Variants in AKAP17A observed in about 807,000 individuals in gnomAD.
AKAP17A encodes the protein A-kinase anchor protein 17A.
Under a neutral mutation model 52.2 loss-of-function variants are expected in AKAP17A, and 15 were observed. The ratio of observed to expected loss-of-function variants is 0.29; its 90% CI spans 0.19 to 0.44. The LOEUF (loss-of-function observed/expected upper bound fraction) is 0.44, where lower values mean the gene tolerates loss of function less well. Ranked by LOEUF, AKAP17A falls within the 20% of genes least tolerant of loss-of-function variation. The pLI is 1.00. For missense variants in AKAP17A, 1,060 were observed against 1,007.0 expected, an observed-to-expected ratio of 1.05 and a Z score of -0.71; for synonymous variants, 514 against 424.7, an observed-to-expected ratio of 1.21 and a Z score of -2.58.
At chrX:1,597,578 A>G (rs1220617719) in intron 3 of AKAP17A, among the ~76,000 whole-genome samples, 1 of 151,292 alleles carries the variant, frequency 6.6e-6, no homozygotes, top group Admixed American at 6.6e-5. Flanking sequence ...TCCAGGCTGC[A>G]GACACAGCCC....
At position 1,602,101 on chromosome X, in the gene AKAP17A, G is replaced by A. The variant is rs1161753417; in HGVS notation, c.*507G>A. ...AGTTTGGGTGGGATGCCGAATCGTC[G>A]TGCTGACATTGAGTCACGGATGAGG... On this transcript the variant is annotated 3_prime_UTR_variant, in exon 5 of 5. Coordinates refer to ENST00000313871, the MANE Select transcript of AKAP17A (RefSeq NM_005088.3). 8.4e-5 allele frequency: 13 copies of A among 155,338 alleles called. No individual in the cohort carries two copies. The highest frequency in any genetic ancestry group is 2.2e-4 in the African/African-American group (9 of 41,578). The allele number at this position is 155,338 out of a possible 1,614,324, so 9.6% of individuals were successfully genotyped here.
chrX:1,600,714 A>C lies in AKAP17A; in HGVS notation c.1208A>C (p.Gln403Pro). ...QKEEKLRLQQQEERRRLQEAE... is the reference protein window; with the variant it reads ...QKEEKLRLQQPEERRRLQEAE... ...GAGGAGAAGCTGAGGCTCCAGCAGC[A>C]GGAGGAGCGGCGGCGGCTGCAGGAG... Residue 403 changes from glutamine (Q) to proline (P), a missense_variant, in exon 5 of 5, where the codon CAG becomes CCG. Gln to Pro is a moderately conservative substitution (Grantham distance 76, BLOSUM62 -1). This residue lies in a region of AKAP17A where 793 missense variants were observed against 629.9 expected (regional missense o/e 1.26). Transcript: ENST00000313871. 2 of 1,547,502 alleles carry C rather than the reference A, an allele frequency of 1.3e-6. No homozygotes were observed. Among genetic ancestry groups the C allele is most frequent in the Non-Finnish European group, 1.7e-6 (2 of 1,147,528 alleles).
In AKAP17A at chrX:1,601,369, G is replaced by A; in HGVS notation, c.1863G>A (p.Arg621=). 1 of 1,577,824 alleles carries A rather than the reference G, an allele frequency of 6.3e-7. No homozygotes were observed. Among genetic ancestry groups the A allele is most frequent in the Non-Finnish European group, 8.6e-7 (1 of 1,167,182 alleles). The change falls in exon 5 of 5, where the codon CGG becomes CGA. Residue 621 remains arginine (R), a synonymous_variant. Coordinates refer to ENST00000313871, the MANE Select transcript of AKAP17A (RefSeq NM_005088.3). ...SREDGRPRKE[R]RPHKKHAYKD... ...AGGACGGGAGGCCACGCAAGGAGCG[G>A]CGGCCCCACAAGAAGCACGCCTACA... is the stretch of plus-strand genomic sequence containing the variant.
chrX:1,601,472 C>A lies in AKAP17A; in HGVS notation c.1966C>A (p.Arg656=). 1 of 1,568,032 alleles carries A rather than the reference C, an allele frequency of 6.4e-7. No homozygotes were observed. Among genetic ancestry groups the A allele is most frequent in the South Asian group, 1.1e-5 (1 of 88,572 alleles). The change falls in exon 5 of 5, where the codon CGG becomes AGG. Residue 656 remains arginine (R), a synonymous_variant. Coordinates refer to ENST00000313871, the MANE Select transcript of AKAP17A (RefSeq NM_005088.3). The part of the protein sequence containing the change: ...SRRSHSKDRH[R]RERSRERRGS... ...GAGGTCCCACAGCAAAGACAGGCAC[C>A]GGAGGGAGCGGAGCCGGGAGCGGAG...
chrX:1,600,427 C>T (rs1395038496), intron 4 of AKAP17A: 23 of 634,592 alleles, frequency 3.6e-5, no homozygotes, highest in African/African-American at 2.4e-4. Context: ...AAGGGGTTTC[C>T]TTCTCACTCA....
rs773316404 is a variant in AKAP17A, at chrX:1,593,573, G to A, written c.111G>A (p.Pro37=). The A allele has an allele frequency of 3.4e-5, 55 of 1,613,672 alleles. No individual in the cohort carries two copies. Among genetic ancestry groups the A allele is most frequent in the East Asian group, 1.3e-4 (6 of 44,896 alleles). ...AGATGACCATCAGCGTGGCACTCCC[G>A]CAGCTGAAGCAGCCGGGGAAGTCCA... ...ITKMTISVAL[P]QLKQPGKSIS... The change falls in exon 2 of 5, where the codon CCG becomes CCA. Residue 37 remains proline (P), a synonymous_variant. Coordinates refer to ENST00000313871, the MANE Select transcript of AKAP17A (RefSeq NM_005088.3).
intron 3 of AKAP17A, among the ~76,000 whole-genome samples, chrX:1,598,289 G>A (rs1295721740): frequency 1.6e-4 from 24 of 151,718 alleles, no homozygotes; most frequent in Admixed American, 7.9e-4. Flanking sequence ...TCTGGGCGTC[G>A]GCACCTGGCC....
At chrX:1,599,556 G>C (rs1933235520) in intron 4 of AKAP17A, 124 bp downstream of exon 4, 6 of 1,345,574 alleles carry the variant, frequency 4.5e-6, no homozygotes, top group African/African-American at 1.4e-5. Flanking sequence ...TACGAAACCA[G>C]CTTTAATGCC....
intron 4 of AKAP17A, 117 bp downstream of exon 4, chrX:1,599,549 G>A (rs780584114): frequency 2.4e-4 from 340 of 1,411,624 alleles, no homozygotes; most frequent in African/African-American, 7.8e-4. Flanking sequence ...CTGTAGCTAC[G>A]AAACCAGCTT....
chrX:1,601,875 A>T lies in AKAP17A; in HGVS notation c.*281A>T. 1 of 377,160 alleles carries T rather than the reference A, an allele frequency of 2.7e-6. No individual in the cohort carries two copies. The highest frequency in any genetic ancestry group is 4.7e-6 in the Non-Finnish European group (1 of 212,706). The allele number at this position is 377,160 out of a possible 1,614,324, so 23.4% of individuals were successfully genotyped here. A position where few individuals can be genotyped will look rare whatever the true frequency, so the allele number is the denominator to read the frequency against. ...CGGCCGGTCCTCTCTCAGTCAGGAA[A>T]ATTGCACAGACCGACAGTCGTGAGG... On this transcript the variant is annotated 3_prime_UTR_variant, in exon 5 of 5. Transcript: ENST00000313871.
intron 3 of AKAP17A, among the ~76,000 whole-genome samples, chrX:1,596,848 T>C (rs184321167): frequency 0.018 from 160 of 8,884 alleles, 53 homozygotes; most frequent in African/African-American, 0.12. Flanking sequence ...CCATCCCTCC[T>C]GCCGTGTCCT....
rs1395208966 is a variant in AKAP17A at position 1,597,851 on chromosome X, G to A, written c.912-1341G>A. Among the ~76,000 whole-genome samples, 41 of 151,988 alleles carry A rather than the reference G, an allele frequency of 2.7e-4. 1 individual carries two copies. Among genetic ancestry groups the A allele is most frequent in the South Asian group, 2.1e-4 (1 of 4,808 alleles). On this transcript the variant is annotated intron_variant, in intron 3 of 4. Coordinates refer to ENST00000313871, the MANE Select transcript of AKAP17A (RefSeq NM_005088.3). The stretch of plus-strand genomic sequence containing the variant: ...AGCGGGGCCGGGCCATGAGGTTCTC[G>A]AGAGCAGGATGGGGTGTCCAGAGCC...
chrX:1,596,478 TTCC>T (rs1336451295), intron 3 of AKAP17A, among the ~76,000 whole-genome samples: 4 of 34,794 alleles, frequency 1.1e-4, no homozygotes, highest in East Asian at 7.5e-4. Context: ...GTGAGGTGGA[TTCC>T]TCCTCCTCCT....
chrX:1,598,306 C>T (rs1167341188), intron 3 of AKAP17A, among the ~76,000 whole-genome samples: 1 of 152,176 alleles, frequency 6.6e-6, no homozygotes, highest in Non-Finnish European at 1.5e-5. Flanking sequence ...GGCCCGGCCC[C>T]CTTCTTGGGG....
rs768823664 is a variant in AKAP17A, at chrX:1,602,443, G to A, written c.*849G>A. 3 of 152,238 alleles carry A rather than the reference G, an allele frequency of 2.0e-5. No homozygotes were observed. In the South Asian group the frequency reaches 6.2e-4, roughly 32 times the overall value. The allele number at this position is 152,238 out of a possible 1,614,324, so 9.4% of individuals were successfully genotyped here. A position where few individuals can be genotyped will look rare whatever the true frequency, so the allele number is the denominator to read the frequency against. Reference sequence around the variant, plus strand: ...AGAAATACCTAAAAATAGCTGTAACGTTCGCGTTAGGAAAGATGGTGTTTA... The same window carrying A: ...AGAAATACCTAAAAATAGCTGTAACATTCGCGTTAGGAAAGATGGTGTTTA... On this transcript the variant is annotated 3_prime_UTR_variant, in exon 5 of 5. Coordinates refer to ENST00000313871, the MANE Select transcript of AKAP17A (RefSeq NM_005088.3).
Position 1,594,179 on chromosome X carries a change from CAT to C in AKAP17A, c.718_719del (p.Met240ValfsTer18), listed in dbSNP as rs1569348753. 1 of 1,587,980 alleles carries C rather than the reference CAT, an allele frequency of 6.3e-7. No individual in the cohort carries two copies. The highest frequency in any genetic ancestry group is 1.8e-5 in the Admixed American group (1 of 57,072). On this transcript the variant is annotated frameshift_variant, in exon 2 of 5. Coordinates refer to ENST00000313871, the MANE Select transcript of AKAP17A (RefSeq NM_005088.3). LOFTEE classifies it high-confidence loss of function. ...TGAGCGCCCTGCGCGGGATGAAACT[CAT>C]GTACAAGGGCGAGGACGGCAAGGCC... Reference protein sequence around the residue: ...AMSALRGMKLMYKGEDGKAVA... With the variant: ...AMSALRGMKLXYKGEDGKAVA...
intron 3 of AKAP17A, 80 bp from the exon 4 acceptor site, chrX:1,599,112 T>TCC: frequency 6.4e-7 from 1 of 1,560,232 alleles, no homozygotes; most frequent in Non-Finnish European, 8.7e-7. Flanking sequence ...TGTTCCGCCG[T>TCC]GTTTGGAAAG....
chrX:1,598,067 T>C (rs1420612162), intron 3 of AKAP17A, among the ~76,000 whole-genome samples: 1 of 151,816 alleles, frequency 6.6e-6, no homozygotes, highest in Non-Finnish European at 1.5e-5. Context: ...CCCTCACGTG[T>C]AACTTTGAGC....
chrX:1,592,525 C>T (rs184603693), intron 1 of AKAP17A, among the ~76,000 whole-genome samples: 7 of 152,062 alleles, frequency 4.6e-5, no homozygotes, highest in Non-Finnish European at 8.8e-5. Flanking sequence ...AGACTGGAGC[C>T]CCTCCCTGGT....
Sources: allele counts gnomAD v4.1 joint callset (sites outside exome capture counted in the v4.1 genomes callset), GRCh38; gene constraint gnomAD v4.1.1; regional missense constraint gnomAD v4.1.1; transcripts MANE v1.5; gene names NCBI Gene and HGNC (gene_info 2026-07-23, HGNC 2026-07-21).